Variants in IKZF2 observed in about 807,000 individuals in gnomAD.
IKZF2 encodes IKAROS family zinc finger 2.
In IKZF2, 15 loss-of-function variants were observed where a neutral mutation model predicts 49.2. That is an observed-to-expected ratio of 0.30 (90% CI 0.20 to 0.47). IKZF2 has a LOEUF of 0.47. Ranked by LOEUF, IKZF2 falls within the 20% of genes least tolerant of loss-of-function variation. IKZF2 has a pLI of 1.00. For missense variants in IKZF2, 567 were observed against 664.6 expected (o/e 0.85, Z 1.61); for synonymous variants, 227 against 221.4 (o/e 1.03, Z -0.23).
intron 4 of IKZF2, among the ~76,000 whole-genome samples, chr2:213,105,339 G>A (rs993828512): frequency 6.6e-6 from 1 of 151,950 alleles, no homozygotes; most frequent in Non-Finnish European, 1.5e-5. Flanking sequence ...GTTCCCAAAA[G>A]TACCTAACCT....
intron 4 of IKZF2, among the ~76,000 whole-genome samples, chr2:213,074,265 T>G (rs918258739): frequency 1.3e-5 from 2 of 152,198 alleles, no homozygotes; most frequent in African/African-American, 4.8e-5. Flanking sequence ...TGTCCTTAGC[T>G]GTGAACACTA....
chr2:213,132,701 A>G (rs1484921345), intron 4 of IKZF2, among the ~76,000 whole-genome samples: 1 of 152,200 alleles, frequency 6.6e-6, no homozygotes, highest in Admixed American at 6.5e-5. Context: ...GGACAAGGTC[A>G]CCTAGGGAGG....
At chr2:213,074,697 TAAGA>T (rs1703070680) in intron 4 of IKZF2, among the ~76,000 whole-genome samples, 1 of 152,198 alleles carries the variant, frequency 6.6e-6, no homozygotes, top group African/African-American at 2.4e-5. Context: ...CAAATTTCAC[TAAGA>T]ATCTAGATTC....
At chr2:213,089,893 T>G (rs1053718284) in intron 4 of IKZF2, among the ~76,000 whole-genome samples, 10 of 152,140 alleles carry the variant, frequency 6.6e-5, no homozygotes, top group African/African-American at 2.4e-4. Flanking sequence ...AATGAAATTC[T>G]GGAAAAAAGA....
At chr2:213,122,630 A>T (rs532433144) in intron 4 of IKZF2, among the ~76,000 whole-genome samples, 163 of 152,354 alleles carry the variant, frequency 1.1e-3, no homozygotes, top group African/African-American at 3.8e-3. Flanking sequence ...GACCTTGCTG[A>T]AACACTCTTA....
At chr2:213,135,242 C>A (rs912100772) in intron 4 of IKZF2, among the ~76,000 whole-genome samples, 61 of 152,160 alleles carry the variant, frequency 4.0e-4, no homozygotes, top group Non-Finnish European at 7.3e-5. Context: ...ACTCAGATTT[C>A]TTTTGCCATC....
chr2:213,142,884 C>T (rs2060922284), intron 4 of IKZF2, among the ~76,000 whole-genome samples: 1 of 151,938 alleles, frequency 6.6e-6, no homozygotes, highest in African/African-American at 2.4e-5. Context: ...TTCTCTCGCT[C>T]TAGTGGTGAT....
chr2:213,060,270 A>G (rs1030715241), intron 4 of IKZF2, among the ~76,000 whole-genome samples: 1 of 151,388 alleles, frequency 6.6e-6, no homozygotes, highest in Non-Finnish European at 1.5e-5. Flanking sequence ...ATTTTAACTT[A>G]TTAATGATTA....
At chr2:213,081,165 CTT>C (rs2125568386) in intron 4 of IKZF2, 1 of 154,428 alleles carries the variant, frequency 6.5e-6, no homozygotes, top group Non-Finnish European at 1.5e-5. Context: ...TTCAGAAAGA[CTT>C]ACAGCATATA....
chr2:213,022,495 T>TA (rs1553546727), intron 6 of IKZF2, among the ~76,000 whole-genome samples: 2 of 101,628 alleles, frequency 2.0e-5, no homozygotes, highest in Non-Finnish European at 4.6e-5. Flanking sequence ...TCAAGAGTTG[T>TA]GGTTTTTTTT....
At chr2:213,028,446 C>A (rs775515677) in intron 6 of IKZF2, among the ~76,000 whole-genome samples, 17 of 152,246 alleles carry the variant, frequency 1.1e-4, no homozygotes, top group Non-Finnish European at 1.9e-4. Context: ...AACTGACAGA[C>A]TCGATTTCAG....
At chr2:213,075,108 C>A (rs926646236) in intron 4 of IKZF2, among the ~76,000 whole-genome samples, 7 of 152,136 alleles carry the variant, frequency 4.6e-5, no homozygotes, top group Non-Finnish European at 1.0e-4. Flanking sequence ...TACCTTATTT[C>A]ATTCAGTTAA....
chr2:213,008,155 A>C lies in IKZF2; in HGVS notation c.857-71T>G, dbSNP rs1574461465. 6.2e-6 allele frequency: 9 copies of C among 1,460,120 alleles called. No homozygotes were observed. The East Asian group carries it at 2.2e-4, about 35-fold the overall frequency. The allele number at this position is 1,460,120 out of a possible 1,614,324, so 90.4% of individuals were successfully genotyped here. Reference sequence around the variant, plus strand: ...ACAACAACATTAGTATCAGATTAAAAATATGAAAGGGTACGAAGTTGACTG... The same window carrying C: ...ACAACAACATTAGTATCAGATTAAACATATGAAAGGGTACGAAGTTGACTG... On this transcript the variant is annotated intron_variant, in intron 8 of 8. Coordinates refer to ENST00000434687, the MANE Select transcript of IKZF2 (RefSeq NM_001387220.1).
intron 1 of IKZF2, among the ~76,000 whole-genome samples, chr2:213,150,906 T>G (rs896339043): frequency 2.1e-5 from 3 of 144,754 alleles, no homozygotes; most frequent in African/African-American, 5.0e-5. Context: ...GGTTTTTGGT[T>G]TTTTTTTTTT....
intron 4 of IKZF2, among the ~76,000 whole-genome samples, chr2:213,128,417 C>T (rs1384051265): frequency 6.6e-6 from 1 of 152,116 alleles, no homozygotes; most frequent in African/African-American, 2.4e-5. Context: ...TAAGGTCACA[C>T]AGCTATTAGG....
At chr2:213,067,989 T>C (rs910839748) in intron 4 of IKZF2, among the ~76,000 whole-genome samples, 3 of 152,138 alleles carry the variant, frequency 2.0e-5, no homozygotes, top group Non-Finnish European at 4.4e-5. Context: ...ATCCTTGTAT[T>C]TGTGAACTGA....
At chr2:213,092,382 G>A (rs1295195250) in intron 4 of IKZF2, among the ~76,000 whole-genome samples, 1 of 152,060 alleles carries the variant, frequency 6.6e-6, no homozygotes, top group Non-Finnish European at 1.5e-5. Flanking sequence ...CCATTTCAAT[G>A]TACAGTTATG....
chr2:213,135,847 G>A (rs751842583), intron 4 of IKZF2, among the ~76,000 whole-genome samples: 17 of 151,280 alleles, frequency 1.1e-4, no homozygotes, highest in Admixed American at 2.0e-4. Context: ...TCAGGAGTAC[G>A]AGAGCGCCTG....
intron 4 of IKZF2, among the ~76,000 whole-genome samples, chr2:213,093,991 T>G (rs756917810): frequency 1.3e-5 from 2 of 152,098 alleles, no homozygotes; most frequent in African/African-American, 2.4e-5. Flanking sequence ...AGATATAACT[T>G]AGAGGAAATG....
Sources: allele counts gnomAD v4.1 joint callset (sites outside exome capture counted in the v4.1 genomes callset), GRCh38; gene constraint gnomAD v4.1.1; transcripts MANE v1.5; gene names NCBI Gene and HGNC (gene_info 2026-07-23, HGNC 2026-07-21).